Variants in CRTAC1 observed in about 807,000 individuals in gnomAD.
CRTAC1 encodes the protein cartilage acidic protein 1, also known as acidic secreted protein in cartilage.
Under a neutral mutation model 67.8 loss-of-function variants are expected in CRTAC1, and 37 were observed. The ratio of observed to expected loss-of-function variants is 0.55; its 90% CI spans 0.42 to 0.72. The LOEUF is 0.72. Among genes scored for constraint, CRTAC1 ranks in the 30% least tolerant of loss-of-function variants. CRTAC1 has a pLI of 0.00. For synonymous variants in CRTAC1, 348 were observed against 371.0 expected (o/e 0.94, Z 0.71); for missense variants, 780 against 931.6 (o/e 0.84, Z 2.12).
intron 4 of CRTAC1, among the ~76,000 whole-genome samples, chr10:97,921,662 T>C: frequency 6.6e-6 from 1 of 152,198 alleles, no homozygotes; most frequent in East Asian, 1.9e-4. Context: ...CCATGCTGCA[T>C]TCCTCTCTGT....
At chr10:97,920,502 AT>A (rs113130938) in intron 4 of CRTAC1, among the ~76,000 whole-genome samples, 32 of 151,148 alleles carry the variant, frequency 2.1e-4, no homozygotes, top group East Asian at 1.2e-3. Flanking sequence ...TAAAACACAG[AT>A]TTTTTTTTTA....
chr10:97,916,749 G>A (rs1003123869), intron 5 of CRTAC1, among the ~76,000 whole-genome samples: 2 of 152,230 alleles, frequency 1.3e-5, no homozygotes, highest in Non-Finnish European at 2.9e-5. Context: ...CACATGACAA[G>A]TTGTTGTGTA....
intron 2 of CRTAC1, among the ~76,000 whole-genome samples, chr10:97,986,406 C>T (rs1283631428): frequency 2.0e-5 from 3 of 152,142 alleles, no homozygotes; most frequent in East Asian, 1.9e-4. Context: ...GCCCTTCCTT[C>T]GTGAGATGTC....
At chr10:98,025,822 T>C (rs1056614713) in intron 1 of CRTAC1, among the ~76,000 whole-genome samples, 2 of 152,150 alleles carry the variant, frequency 1.3e-5, no homozygotes, top group Admixed American at 1.3e-4. Flanking sequence ...GAAAGATCCT[T>C]CCTTAGGAAT....
intron 2 of CRTAC1, among the ~76,000 whole-genome samples, chr10:97,999,837 C>T (rs2136682275): frequency 6.6e-6 from 1 of 152,320 alleles, no homozygotes; most frequent in East Asian, 1.9e-4. Flanking sequence ...GGACGACCAG[C>T]TGCAAAGAGG....
At chr10:97,926,518 A>G (rs1320088501) in intron 3 of CRTAC1, among the ~76,000 whole-genome samples, 1 of 152,154 alleles carries the variant, frequency 6.6e-6, no homozygotes, top group Non-Finnish European at 1.5e-5. Context: ...GACTTTGGAA[A>G]GGTAACACAG....
intron 11 of CRTAC1, among the ~76,000 whole-genome samples, chr10:97,888,085 C>T (rs1190768806): frequency 6.6e-6 from 1 of 152,210 alleles, no homozygotes; most frequent in Admixed American, 6.5e-5. Context: ...GAGCCGGTAT[C>T]TACTGTGCCC....
chr10:97,952,785 AT>A (rs1590234439), intron 2 of CRTAC1, among the ~76,000 whole-genome samples: 1 of 152,334 alleles, frequency 6.6e-6, no homozygotes, highest in East Asian at 1.9e-4. Flanking sequence ...TGTCTGTGCC[AT>A]TTAGGAGTTT....
chr10:97,946,763 T>C (rs1472911353), intron 2 of CRTAC1, among the ~76,000 whole-genome samples: 1 of 152,210 alleles, frequency 6.6e-6, no homozygotes, highest in Non-Finnish European at 1.5e-5. Context: ...ACCAAGTCAC[T>C]GTGTCCTCTA....
chr10:97,873,452 G>T (rs1035281464), intron 14 of CRTAC1, among the ~76,000 whole-genome samples: 1 of 152,218 alleles, frequency 6.6e-6, no homozygotes, highest in African/African-American at 2.4e-5. Context: ...TGAGTCTGGG[G>T]ATCTGAACTG....
chr10:98,028,479 T>TC (rs1843286104), intron 1 of CRTAC1, among the ~76,000 whole-genome samples: 1 of 152,162 alleles, frequency 6.6e-6, no homozygotes, highest in East Asian at 1.9e-4. Flanking sequence ...AGGACTGCCT[T>TC]CCCGGTTGGT....
intron 5 of CRTAC1, among the ~76,000 whole-genome samples, chr10:97,911,819 C>T (rs569108500): frequency 3.9e-5 from 6 of 152,378 alleles, no homozygotes; most frequent in African/African-American, 1.4e-4. Context: ...TCCCTCTCCT[C>T]CATCTCTTAA....
In CRTAC1 at chr10:98,013,036, G is replaced by A. The variant is rs145263459; in HGVS notation, c.25-1699C>T. Among the ~76,000 whole-genome samples the A allele has an allele frequency of 2.8e-3, 419 of 152,298 alleles. 1 individual carries two copies. Among genetic ancestry groups the A allele is most frequent in the African/African-American group, 9.7e-3 (401 of 41,550 alleles). On this transcript the variant is annotated intron_variant, in intron 1 of 14. Coordinates refer to ENST00000370597, the MANE Select transcript of CRTAC1 (RefSeq NM_018058.7). ...TTAATGAGCAGCTGGGTGGGGATGG[G>A]GGAGGAAATGGGAAACTAAAGAGTA...
intron 7 of CRTAC1, among the ~76,000 whole-genome samples, chr10:97,902,955 C>T (rs903189448): frequency 2.0e-5 from 3 of 151,896 alleles, no homozygotes; most frequent in Non-Finnish European, 2.9e-5. Context: ...GATCTCTAGC[C>T]GTTATGATTC....
At chr10:97,995,074 A>C (rs1175979007) in intron 2 of CRTAC1, among the ~76,000 whole-genome samples, 1 of 152,228 alleles carries the variant, frequency 6.6e-6, no homozygotes, top group African/African-American at 2.4e-5. Context: ...ACAACATGGG[A>C]AGATGGCTGC....
At chr10:98,005,219 C>T (rs1480884573) in intron 2 of CRTAC1, among the ~76,000 whole-genome samples, 3 of 148,404 alleles carry the variant, frequency 2.0e-5, no homozygotes, top group African/African-American at 5.0e-5. Context: ...ATTCTCCTGC[C>T]TCAGGCTCCC....
chr10:97,917,525 A>G lies in CRTAC1; in HGVS notation c.690T>C (p.Ala230=). ...RGILALRDVA[A]EAGVSKYTGG... is the part of the protein sequence containing the mutation. ...CTGTATATTTGCTGACCCCAGCCTCAGCAGCCACATCTCTGAGCGCCAGAA... is the reference window on the plus strand; with the variant it reads ...CTGTATATTTGCTGACCCCAGCCTCGGCAGCCACATCTCTGAGCGCCAGAA... Residue 230 remains alanine (A), a synonymous_variant, in exon 5 of 15, where the codon GCT becomes GCC. Transcript: ENST00000370597. 1 of 1,586,372 alleles carries G rather than the reference A, an allele frequency of 6.3e-7. No homozygotes were observed. Among genetic ancestry groups the G allele is most frequent in the Non-Finnish European group, 8.6e-7 (1 of 1,162,580 alleles).
At chr10:97,989,856 G>T (rs1044785192) in intron 2 of CRTAC1, among the ~76,000 whole-genome samples, 13 of 152,192 alleles carry the variant, frequency 8.5e-5, no homozygotes, top group African/African-American at 3.1e-4. Flanking sequence ...CACAGATTGC[G>T]TGACTCCATC....
chr10:97,992,534 G>A (rs1842482125), intron 2 of CRTAC1, among the ~76,000 whole-genome samples: 1 of 152,104 alleles, frequency 6.6e-6, no homozygotes, highest in South Asian at 2.1e-4. Context: ...CTCAGATATG[G>A]AATCAACCTA....
Sources: gnomAD v4.1 joint callset for allele counts (sites outside exome capture counted in the v4.1 genomes callset) on GRCh38, gnomAD v4.1.1 for gene constraint, MANE v1.5 for transcripts, NCBI Gene and HGNC (gene_info 2026-07-23, HGNC 2026-07-21) for gene names.